Variants in RAD9B observed in about 807,000 individuals in gnomAD.
The protein encoded by RAD9B is cell cycle checkpoint control protein RAD9B.
A neutral mutation model predicts 48.3 loss-of-function variants in RAD9B; 41 were observed. That is an observed-to-expected ratio of 0.85 (90% CI 0.66 to 1.10). The LOEUF (loss-of-function observed/expected upper bound fraction) is 1.10. Among genes scored for constraint, RAD9B ranks in the 50% least tolerant of loss-of-function variants. The pLI is 0.00. For synonymous variants in RAD9B, 160 were observed against 157.9 expected, an observed-to-expected ratio of 1.01 and a Z score of -0.10; for missense variants, 444 against 485.1, an observed-to-expected ratio of 0.92 and a Z score of 0.80.
intron 8 of RAD9B, 63 bp from the exon 9 acceptor site, chr12:110,519,731 T>C (rs1416744358): frequency 5.2e-6 from 8 of 1,537,790 alleles, no homozygotes; most frequent in Middle Eastern, 1.7e-4. Context: ...GTATCATTTC[T>C]AATGTGTTTC....
chr12:110,519,624 C>T (rs1160902213), intron 8 of RAD9B, among the ~76,000 whole-genome samples, 170 bp from the exon 9 acceptor site: 2 of 151,780 alleles, frequency 1.3e-5, no homozygotes, highest in African/African-American at 4.8e-5. Context: ...TTAGTAGAGA[C>T]GGGGTTTCTT....
At chr12:110,522,527 T>C (rs2063818157) in intron 10 of RAD9B, 116 bp downstream of exon 10, 2 of 728,196 alleles carry the variant, frequency 2.7e-6, no homozygotes, top group East Asian at 2.7e-5. Flanking sequence ...TTCTTATTTT[T>C]TGATAGGGGA....
At chr12:110,520,060 G>A (rs1182939871) in intron 9 of RAD9B, 144 bp downstream of exon 9, 10 of 819,908 alleles carry the variant, frequency 1.2e-5, no homozygotes, top group Non-Finnish European at 1.7e-5. Context: ...AAGAGCTGTA[G>A]TGAAACTTAC....
In RAD9B at chr12:110,509,291, A is replaced by G. The variant is rs1165727864; in HGVS notation, c.388+2598A>G. Among the ~76,000 whole-genome samples, 4 of 151,476 alleles carry G rather than the reference A, an allele frequency of 2.6e-5. No individual in the cohort carries two copies. In the South Asian group the frequency reaches 8.4e-4, roughly 32 times the overall value. ...CCCTAATTTTTTATATTGTTTGTAG[A>G]GATGGGGTTTCACCATGTTGCCCAG... On this transcript the variant is annotated intron_variant, in intron 4 of 10. Transcript: ENST00000409300.
chr12:110,516,071 A>G (rs1186496055), intron 6 of RAD9B, among the ~76,000 whole-genome samples: 1 of 152,082 alleles, frequency 6.6e-6, no homozygotes, highest in Non-Finnish European at 1.5e-5. Flanking sequence ...TACAAAACAT[A>G]AGAAAAATAG....
Position 110,518,946 on chromosome 12 carries a change from C to T in RAD9B, c.767+8C>T, listed in dbSNP as rs1357125011. 6.5e-7 allele frequency: 1 copy of T among 1,534,300 alleles called. No homozygotes were observed. The highest frequency in any genetic ancestry group is 1.3e-5 in the South Asian group (1 of 79,828). ...TTTTGATTTCCCTGGGAAGTAGGTCCTTGAGAATTTTTCTGAGCTTGTTTC... is the reference window on the plus strand; with the variant it reads ...TTTTGATTTCCCTGGGAAGTAGGTCTTTGAGAATTTTTCTGAGCTTGTTTC... On this transcript the variant is annotated splice_region_variant and intron_variant, in intron 8 of 10. Transcript: ENST00000409300.
At chr12:110,515,778 A>G (rs1271645999) in intron 6 of RAD9B, among the ~76,000 whole-genome samples, 1 of 152,210 alleles carries the variant, frequency 6.6e-6, no homozygotes, top group Non-Finnish European at 1.5e-5. Context: ...AAAGGAAAGA[A>G]CTATTATTTT....
chr12:110,511,486 C>G (rs1011784144), intron 4 of RAD9B: 6 of 453,494 alleles, frequency 1.3e-5, no homozygotes, highest in African/African-American at 4.0e-5. Context: ...CATGGAAAGT[C>G]AAGTATTGCA....
chr12:110,518,987 A>G (rs371317338), intron 8 of RAD9B, 49 bp downstream of exon 8: 3 of 1,236,802 alleles, frequency 2.4e-6, no homozygotes, highest in Non-Finnish European at 3.4e-6. Context: ...TTTTATATCA[A>G]TAACAAAACC....
rs774030551 is a variant in RAD9B, at chr12:110,505,791, G to T, written c.273+19G>T. 6.2e-7 allele frequency: 1 copy of T among 1,602,210 alleles called. No individual in the cohort carries two copies. The highest frequency in any genetic ancestry group is 1.1e-5 in the South Asian group (1 of 89,776). On this transcript the variant is annotated intron_variant, in intron 3 of 10. Coordinates refer to ENST00000409300, the MANE Select transcript of RAD9B (RefSeq NM_001286535.2). ...AATGAAGGTAAATATAAGTGGCCCT[G>T]GTTTTCTCTTATTCTGTAGAAATAT...
chr12:110,532,487 G>A lies in RAD9B; in HGVS notation c.*1834G>A, dbSNP rs1412019471. Among the ~76,000 whole-genome samples the A allele has an allele frequency of 6.6e-6, 1 of 152,186 alleles. No homozygotes were observed. Among genetic ancestry groups the A allele is most frequent in the South Asian group, 2.1e-4 (1 of 4,834 alleles). ...TTGGGAGGCCCAGGTGGGCGGATCAGTTGAGCCCAGCAGTTCAAGACTAGC... is the reference window on the plus strand; with the variant it reads ...TTGGGAGGCCCAGGTGGGCGGATCAATTGAGCCCAGCAGTTCAAGACTAGC... On this transcript the variant is annotated 3_prime_UTR_variant, in exon 11 of 11. Transcript: ENST00000409300.
At chr12:110,530,086 A>G (rs2064084170) in intron 10 of RAD9B, among the ~76,000 whole-genome samples, 1 of 152,096 alleles carries the variant, frequency 6.6e-6, no homozygotes, top group African/African-American at 2.4e-5. Context: ...CTCTGTCCCC[A>G]GGCTGTAGTG....
chr12:110,513,510 G>T (rs1283332726), intron 5 of RAD9B, among the ~76,000 whole-genome samples: 1 of 151,782 alleles, frequency 6.6e-6, no homozygotes, highest in African/African-American at 2.4e-5. Context: ...TATGTGAAAT[G>T]ATTTTGGCCC....
In RAD9B at chr12:110,521,836, G is replaced by A. The variant is rs145617288; in HGVS notation, c.891-341G>A. On this transcript the variant is annotated intron_variant, in intron 9 of 10. Coordinates refer to ENST00000409300, the MANE Select transcript of RAD9B (RefSeq NM_001286535.2). ...CTCCCAAAGTGTTGGGATTACAGGC[G>A]TGAGCCACCGTGCCCGGCCGAAAAC... Among the ~76,000 whole-genome samples the A allele has an allele frequency of 4.6e-3, 702 of 152,146 alleles. 3 individuals are homozygous for A. The highest frequency in any genetic ancestry group is 0.016 in the African/African-American group (657 of 41,510).
chr12:110,519,072 T>C (rs969933003), intron 8 of RAD9B, 134 bp downstream of exon 8: 6 of 620,626 alleles, frequency 9.7e-6, no homozygotes, highest in South Asian at 9.5e-5. Context: ...CAAACTAAAA[T>C]TTTGAAAGAT....
At chr12:110,512,712 T>C in intron 4 of RAD9B, 67 bp from the exon 5 acceptor site, 1 of 713,742 alleles carries the variant, frequency 1.4e-6, no homozygotes, top group Non-Finnish European at 2.4e-6. Context: ...CTGTGAAACT[T>C]AAAGACTTCT....
chr12:110,513,366 T>C (rs185569054), intron 5 of RAD9B, among the ~76,000 whole-genome samples: 1 of 152,142 alleles, frequency 6.6e-6, no homozygotes, highest in Admixed American at 6.5e-5. Flanking sequence ...TAATAACTAA[T>C]GGTAGCTATA....
In RAD9B at chr12:110,531,150, G is replaced by C. The variant is rs1260374488; in HGVS notation, c.*497G>C. The C allele has an allele frequency of 1.0e-6, 1 of 998,194 alleles. No homozygotes were observed. Among genetic ancestry groups the C allele is most frequent in the African/African-American group, 1.7e-5 (1 of 57,188 alleles). The allele number at this position is 998,194 out of a possible 1,614,324, so 61.8% of individuals were successfully genotyped here. A position where few individuals can be genotyped will look rare whatever the true frequency, so the allele number is the denominator to read the frequency against. On this transcript the variant is annotated 3_prime_UTR_variant, in exon 11 of 11. Coordinates refer to ENST00000409300, the MANE Select transcript of RAD9B (RefSeq NM_001286535.2). ...TTTTTATATTTTAAGACTTTAAGTA[G>C]AATAAACCCTGGAAAAAAGATCAAG...
intron 4 of RAD9B, among the ~76,000 whole-genome samples, chr12:110,506,898 G>A (rs1018149830): frequency 1.3e-5 from 2 of 150,528 alleles, no homozygotes; most frequent in African/African-American, 2.4e-5. Flanking sequence ...GGAGTGCAAT[G>A]CCGCCATCTC....
Sources: gnomAD v4.1 joint callset for allele counts (sites outside exome capture counted in the v4.1 genomes callset) on GRCh38, gnomAD v4.1.1 for gene constraint, MANE v1.5 for transcripts, NCBI Gene and HGNC (gene_info 2026-07-23, HGNC 2026-07-21) for gene names.